The following RANBP17 variants were observed in gnomAD, a reference collection of about 807,000 sequenced individuals.
RANBP17 encodes RAN binding protein 17, also known as ran-binding protein 17.
A neutral mutation model predicts 141.2 loss-of-function variants in RANBP17; 158 were observed. The ratio of observed to expected loss-of-function variants is 1.12; its 90% confidence interval spans 0.98 to 1.28. RANBP17 has a LOEUF of 1.28. RANBP17 is among the 50% of genes most tolerant of loss of function. The pLI, the probability that RANBP17 is intolerant of heterozygous loss-of-function variation, is 0.00. For synonymous variants in RANBP17, 430 were observed against 450.0 expected (o/e 0.96, Z 0.56); for missense variants, 1,438 against 1,290.7 (o/e 1.11, Z -1.75).
Position 170,924,405 on chromosome 5 carries a change from G to A in RANBP17, c.1323G>A (p.Gln441=), listed in dbSNP as rs1772741414. The part of the protein sequence containing the change: ...PLDDTATVFQ[Q]LEQLCTVSRC... ...ATGATACTGCCACTGTGTTTCAGCA[G>A]TTGGAGCAGTTGTGCACGGTCAGCA... The change falls in exon 12 of 28, where the codon CAG becomes CAA. Residue 441 remains glutamine, a synonymous_variant. Transcript: ENST00000523189. The A allele has an allele frequency of 6.2e-7, 1 of 1,608,362 alleles. No homozygotes were observed.
intron 14 of RANBP17, chr5:171,028,902 G>A (rs773352553): frequency 1.6e-6 from 2 of 1,288,408 alleles, no homozygotes; most frequent in South Asian, 2.5e-5. Flanking sequence ...AAGGGCTTGT[G>A]GCAAACCTAT....
At chr5:171,143,314 A>G (rs1481814386) in intron 14 of RANBP17, 2 of 152,242 alleles carry the variant, frequency 1.3e-5, no homozygotes, top group East Asian at 1.9e-4. Context: ...AAGAGATCAT[A>G]TAATATATAG....
chr5:171,076,789 A>C (rs1784950575), intron 14 of RANBP17, among the ~76,000 whole-genome samples: 1 of 152,176 alleles, frequency 6.6e-6, no homozygotes, highest in African/African-American at 2.4e-5. Flanking sequence ...CCATGTGTTC[A>C]TGATCTTACT....
At chr5:171,253,192 G>T (rs781052055) in intron 24 of RANBP17, among the ~76,000 whole-genome samples, 1 of 152,162 alleles carries the variant, frequency 6.6e-6, no homozygotes, top group Non-Finnish European at 1.5e-5. Flanking sequence ...GTATCATGCT[G>T]TCTGTACAGT....
chr5:171,292,318 C>T (rs1286785995), intron 25 of RANBP17, among the ~76,000 whole-genome samples: 2 of 152,226 alleles, frequency 1.3e-5, no homozygotes, highest in African/African-American at 4.8e-5. Flanking sequence ...CAAAGAAGCT[C>T]ATTGCTGTTA....
At chr5:171,102,867 G>T (rs1787270263) in intron 14 of RANBP17, among the ~76,000 whole-genome samples, 1 of 152,142 alleles carries the variant, frequency 6.6e-6, no homozygotes, top group Non-Finnish European at 1.5e-5. Flanking sequence ...TCTGCTGCAG[G>T]TCTGCTGGAG....
intron 12 of RANBP17, among the ~76,000 whole-genome samples, chr5:170,942,970 T>G (rs1774449929): frequency 6.6e-6 from 1 of 152,188 alleles, no homozygotes; most frequent in Admixed American, 6.5e-5. Flanking sequence ...GAAGGAGTTT[T>G]TATAGTTGGA....
At chr5:171,086,878 C>T (rs1246702573) in intron 14 of RANBP17, among the ~76,000 whole-genome samples, 219 of 144,788 alleles carry the variant, frequency 1.5e-3, no homozygotes, top group Middle Eastern at 0.014. Flanking sequence ...GTCTTGCTAG[C>T]GGTCTATCAA....
At chr5:170,903,356 G>T (rs568142788) in intron 5 of RANBP17, among the ~76,000 whole-genome samples, 1 of 152,186 alleles carries the variant, frequency 6.6e-6, no homozygotes, top group Non-Finnish European at 1.5e-5. Flanking sequence ...AGCATCCAAG[G>T]TTGACTTCAG....
At chr5:170,882,718 C>T (rs1768816619) in intron 3 of RANBP17, among the ~76,000 whole-genome samples, 2 of 152,248 alleles carry the variant, frequency 1.3e-5, no homozygotes, top group Admixed American at 1.3e-4. Context: ...AAAATAAAAG[C>T]AGGTTCTTAT....
At chr5:170,992,539 A>G (rs1778574991) in intron 14 of RANBP17, among the ~76,000 whole-genome samples, 1 of 152,084 alleles carries the variant, frequency 6.6e-6, no homozygotes, top group Non-Finnish European at 1.5e-5. Context: ...TGCTAAATAA[A>G]TATACTGTAT....
At chr5:171,022,114 C>A (rs771683048) in intron 14 of RANBP17, among the ~76,000 whole-genome samples, 3 of 152,116 alleles carry the variant, frequency 2.0e-5, no homozygotes, top group Non-Finnish European at 4.4e-5. Flanking sequence ...CCGGTTCACT[C>A]CCATACCTGG....
rs72829421 is a variant in RANBP17 at position 171,277,315 on chromosome 5, C to T, written c.2943+11468C>T. ...TCACACGAAGCTAGCCTAAGACTTA[C>T]CAGACAGATCCTAAATCTGTATGAC... On this transcript the variant is annotated intron_variant, in intron 25 of 27. Coordinates refer to ENST00000523189, the MANE Select transcript of RANBP17 (RefSeq NM_022897.5). Among the ~76,000 whole-genome samples, 820 of 151,704 alleles carry T rather than the reference C, an allele frequency of 5.4e-3. 8 individuals carry two copies. The highest frequency in any genetic ancestry group is 0.019 in the African/African-American group (783 of 41,424).
chr5:171,176,564 C>T (rs999685338), intron 16 of RANBP17, among the ~76,000 whole-genome samples: 1 of 152,092 alleles, frequency 6.6e-6, no homozygotes, highest in African/African-American at 2.4e-5. Flanking sequence ...ACTTCCTTTT[C>T]TATATTTCTC....
intron 11 of RANBP17, 70 bp from the exon 12 acceptor site, chr5:170,924,287 A>G: frequency 1.0e-6 from 1 of 979,158 alleles, no homozygotes; most frequent in Non-Finnish European, 1.5e-6. Flanking sequence ...ATTTAACATG[A>G]AGTTTATTTG....
intron 14 of RANBP17, among the ~76,000 whole-genome samples, chr5:171,141,935 T>G (rs1757731838): frequency 6.6e-6 from 1 of 152,216 alleles, no homozygotes; most frequent in Non-Finnish European, 1.5e-5. Context: ...CTCTTTGTTT[T>G]CTTTTATACC....
At chr5:171,285,547 AT>A (rs1372539252) in intron 25 of RANBP17, among the ~76,000 whole-genome samples, 2 of 152,246 alleles carry the variant, frequency 1.3e-5, no homozygotes, top group Non-Finnish European at 2.9e-5. Flanking sequence ...TCTGTTTGAT[AT>A]TGGCAAGAGT....
At chr5:171,096,231 A>AT (rs1786681579) in intron 14 of RANBP17, among the ~76,000 whole-genome samples, 1 of 152,226 alleles carries the variant, frequency 6.6e-6, no homozygotes, top group African/African-American at 2.4e-5. Context: ...ACATATAAAA[A>AT]TAATGTGTCT....
chr5:171,149,709 G>A (rs1758333779), intron 14 of RANBP17, among the ~76,000 whole-genome samples: 1 of 152,148 alleles, frequency 6.6e-6, no homozygotes. Context: ...AATGTGTTTT[G>A]TAAGCCAGGC....
Sources: gnomAD v4.1 joint callset for allele counts (sites outside exome capture counted in the v4.1 genomes callset) on GRCh38, gnomAD v4.1.1 for gene constraint, MANE v1.5 for transcripts, NCBI Gene and HGNC (gene_info 2026-07-23, HGNC 2026-07-21) for gene names.